TFPI: variants seen among roughly 807,000 people sequenced by gnomAD.
TFPI encodes anti-convertin.
TFPI carries 15 observed loss-of-function variants against 34.6 expected under a neutral mutation model. That is an observed-to-expected ratio of 0.43 (90% CI 0.29 to 0.67). The LOEUF (loss-of-function observed/expected upper bound fraction) is 0.67. TFPI is among the 30% of genes least tolerant of loss of function. The pLI, the probability that TFPI is intolerant of heterozygous loss-of-function variation, is 0.15. For missense variants in TFPI, 301 were observed against 364.0 expected (o/e 0.83, Z 1.41); for synonymous variants, 105 against 120.1 (o/e 0.87, Z 0.82).
intron 1 of TFPI, chr2:187,518,719 T>C (rs1273021183): frequency 1.3e-5 from 2 of 152,218 alleles, no homozygotes; most frequent in Non-Finnish European, 2.9e-5. Flanking sequence ...TCCTGGATAA[T>C]ATCCCGAAGA....
intron 2 of TFPI, among the ~76,000 whole-genome samples, chr2:187,498,913 A>G (rs1559121105): frequency 6.6e-6 from 1 of 152,024 alleles, no homozygotes; most frequent in Non-Finnish European, 1.5e-5. Context: ...TTTTATGCAC[A>G]TATGCATTTG....
rs1034130420 is a variant in TFPI at position 187,549,460 on chromosome 2, C to G, written c.-3+4740G>C. ...TCATAGTCTGGCAAGTGGGAAGTACCTGTTGAACAAGTGATCACTTGATTG... is the reference window on the plus strand; with the variant it reads ...TCATAGTCTGGCAAGTGGGAAGTACGTGTTGAACAAGTGATCACTTGATTG... On this transcript the variant is annotated intron_variant, in intron 1 of 7. Transcript: ENST00000233156. Among the ~76,000 whole-genome samples the G allele has an allele frequency of 3.3e-5, 5 of 152,176 alleles. No homozygotes were observed. The East Asian group carries it at 9.7e-4, about 29-fold the overall frequency.
chr2:187,515,858 C>T (rs1694398105), intron 1 of TFPI: 1 of 152,020 alleles, frequency 6.6e-6, no homozygotes, highest in Admixed American at 6.6e-5. Flanking sequence ...GTGCTATAAC[C>T]CATCCTTTTT....
chr2:187,542,652 G>A (rs562502797), intron 1 of TFPI, among the ~76,000 whole-genome samples: 133 of 152,088 alleles, frequency 8.7e-4, no homozygotes, highest in East Asian at 1.9e-3. Context: ...GGCTGGTCAC[G>A]AAGTCAGGAG....
At chr2:187,487,385 T>C (rs1248366845) in intron 4 of TFPI, among the ~76,000 whole-genome samples, 1 of 151,506 alleles carries the variant, frequency 6.6e-6, no homozygotes, top group Non-Finnish European at 1.5e-5. Context: ...CTTTATTTTA[T>C]ACATTTTGAT....
intron 3 of TFPI, 124 bp from the exon 4 acceptor site, chr2:187,488,499 T>G: frequency 1.9e-6 from 1 of 525,350 alleles, no homozygotes; most frequent in Non-Finnish European, 3.1e-6. Flanking sequence ...ACAGAATGTC[T>G]TAATAAAAAT....
intron 7 of TFPI, 39 bp from the exon 8 acceptor site, chr2:187,467,081 T>A: frequency 7.9e-7 from 1 of 1,265,482 alleles, no homozygotes. Flanking sequence ...TGTGATAAAA[T>A]AACACAATGA....
chr2:187,553,664 T>C (rs1193600930), intron 1 of TFPI, among the ~76,000 whole-genome samples: 1 of 152,172 alleles, frequency 6.6e-6, no homozygotes, highest in Admixed American at 6.5e-5. Flanking sequence ...TTTGGAGAAT[T>C]GTAAAATATT....
chr2:187,476,186 A>T (rs1692360952), intron 6 of TFPI, among the ~76,000 whole-genome samples: 2 of 152,278 alleles, frequency 1.3e-5, no homozygotes, highest in Admixed American at 1.3e-4. Flanking sequence ...CTGGTCACTC[A>T]GATCCATGTA....
intron 1 of TFPI, among the ~76,000 whole-genome samples, chr2:187,539,670 TA>T (rs1268725778): frequency 6.6e-6 from 1 of 152,094 alleles, no homozygotes; most frequent in Non-Finnish European, 1.5e-5. Flanking sequence ...TGAAAGTAGA[TA>T]GAGAGCTAGA....
chr2:187,512,774 T>TGG (rs199608529), intron 1 of TFPI, among the ~76,000 whole-genome samples: 29 of 151,424 alleles, frequency 1.9e-4, no homozygotes, highest in African/African-American at 6.3e-4. Flanking sequence ...GAAAAAAAGT[T>TGG]GGGGGGGGCC....
chr2:187,493,433 C>G (rs1485548452), intron 3 of TFPI, among the ~76,000 whole-genome samples: 1 of 152,144 alleles, frequency 6.6e-6, no homozygotes, highest in Non-Finnish European at 1.5e-5. Flanking sequence ...GAAGAGCTGG[C>G]ACAAATGTCT....
chr2:187,470,128 G>A (rs2105951563), intron 6 of TFPI, among the ~76,000 whole-genome samples: 1 of 152,226 alleles, frequency 6.6e-6, no homozygotes, highest in South Asian at 2.1e-4. Context: ...CGAAATAGAT[G>A]TGTATGATAA....
chr2:187,471,713 A>G (rs926448402), intron 6 of TFPI, among the ~76,000 whole-genome samples: 1 of 151,658 alleles, frequency 6.6e-6, no homozygotes, highest in Non-Finnish European at 1.5e-5. Flanking sequence ...GAACTGTAAG[A>G]TGGTGCTCTA....
At chr2:187,480,372 G>A (rs760032199) in intron 6 of TFPI, among the ~76,000 whole-genome samples, 28 of 152,024 alleles carry the variant, frequency 1.8e-4, no homozygotes, top group Non-Finnish European at 2.6e-4. Context: ...TCCTAAGAAA[G>A]TTATGTATTT....
chr2:187,549,882 T>TA (rs1198613916), intron 1 of TFPI, among the ~76,000 whole-genome samples: 48 of 147,596 alleles, frequency 3.3e-4, no homozygotes, highest in South Asian at 8.6e-4. Context: ...CTGAAATAAG[T>TA]AAAAAAAAAA....
chr2:187,542,569 T>G (rs1688638578), intron 1 of TFPI, among the ~76,000 whole-genome samples: 1 of 152,154 alleles, frequency 6.6e-6, no homozygotes, highest in Admixed American at 6.5e-5. Context: ...ATTAATAATT[T>G]AGCATTAAAA....
At chr2:187,502,156 C>A (rs2106112646) in intron 2 of TFPI, among the ~76,000 whole-genome samples, 1 of 152,204 alleles carries the variant, frequency 6.6e-6, no homozygotes, top group Admixed American at 6.5e-5. Flanking sequence ...GCTTAAATAT[C>A]AAAATTCTTT....
chr2:187,479,799 T>A, intron 6 of TFPI, among the ~76,000 whole-genome samples: 1 of 151,024 alleles, frequency 6.6e-6, no homozygotes, highest in South Asian at 2.1e-4. Flanking sequence ...ATGATCTGAA[T>A]GAAATAAATA....
Sources: allele counts gnomAD v4.1 joint callset (sites outside exome capture counted in the v4.1 genomes callset), GRCh38; gene constraint gnomAD v4.1.1; transcripts MANE v1.5; gene names NCBI Gene and HGNC (gene_info 2026-07-23, HGNC 2026-07-21).